Variants in PTPRA observed in about 807,000 individuals in gnomAD.
The protein encoded by PTPRA is protein tyrosine phosphatase receptor type A, also known as receptor-type tyrosine-protein phosphatase alpha.
Under a neutral mutation model 104.8 loss-of-function variants are expected in PTPRA, and 25 were observed. The observed-to-expected ratio is 0.24, with a 90% CI of 0.17 to 0.33. The LOEUF is 0.33. Ranked by LOEUF, PTPRA falls within the 10% of genes least tolerant of loss-of-function variation. The probability of loss-of-function intolerance (pLI) is 1.00; values close to 1 mark genes in which losing one functional copy is unlikely to be tolerated. For missense variants in PTPRA, 765 were observed against 1,015.3 expected (o/e 0.75, Z 3.35); for synonymous variants, 323 against 368.9 (o/e 0.88, Z 1.43).
chr20:2,956,809 C>T (rs116898604), intron 3 of PTPRA, among the ~76,000 whole-genome samples: 5 of 152,230 alleles, frequency 3.3e-5, no homozygotes, highest in Admixed American at 6.5e-5. Context: ...GTACATGGGT[C>T]ACTTTGAAAG....
intron 1 of PTPRA, among the ~76,000 whole-genome samples, chr20:2,887,016 GT>G: frequency 1.3e-5 from 2 of 152,218 alleles, no homozygotes; most frequent in Middle Eastern, 3.4e-3. Flanking sequence ...TCACAGTTTA[GT>G]AAACACAGCC....
chr20:2,961,982 A>G (rs1268481814), intron 3 of PTPRA, among the ~76,000 whole-genome samples: 3 of 152,136 alleles, frequency 2.0e-5, no homozygotes, highest in Non-Finnish European at 4.4e-5. Flanking sequence ...TGCTAATACC[A>G]CAGTCTTAAT....
intron 1 of PTPRA, among the ~76,000 whole-genome samples, chr20:2,886,757 G>A (rs1207398954): frequency 6.6e-6 from 1 of 151,212 alleles, no homozygotes; most frequent in South Asian, 2.1e-4. Flanking sequence ...TCGGGAGGCT[G>A]AGGCAGGAGA....
intron 1 of PTPRA, among the ~76,000 whole-genome samples, chr20:2,894,813 C>A (rs191807635): frequency 1.8e-4 from 27 of 151,784 alleles, no homozygotes; most frequent in Admixed American, 7.9e-4. Flanking sequence ...GGTGAAACCC[C>A]GTCTCTACTA....
intron 5 of PTPRA, among the ~76,000 whole-genome samples, chr20:2,972,540 A>G (rs2062235236): frequency 6.6e-6 from 1 of 152,108 alleles, no homozygotes; most frequent in Non-Finnish European, 1.5e-5. Context: ...GTTGCAGTCT[A>G]TTTGATATTA....
chr20:2,876,304 T>C (rs2089714642), intron 1 of PTPRA, among the ~76,000 whole-genome samples: 1 of 152,098 alleles, frequency 6.6e-6, no homozygotes, highest in African/African-American at 2.4e-5. Context: ...GAGAAAAATG[T>C]CCCTCCTACC....
intron 1 of PTPRA, among the ~76,000 whole-genome samples, chr20:2,909,764 A>C (rs553417): frequency 7.2e-6 from 1 of 139,442 alleles, no homozygotes; most frequent in African/African-American, 2.7e-5. Flanking sequence ...ATAATATATA[A>C]TATATATTAT....
At chr20:2,927,590 G>GT (rs1478572955) in intron 2 of PTPRA, among the ~76,000 whole-genome samples, 1 of 152,172 alleles carries the variant, frequency 6.6e-6, no homozygotes, top group African/African-American at 2.4e-5. Context: ...AGTGGGCACT[G>GT]TTTTTTAGGC....
intron 20 of PTPRA, among the ~76,000 whole-genome samples, chr20:3,034,374 CTG>C (rs749527369): frequency 2.3e-4 from 35 of 152,280 alleles, no homozygotes; most frequent in Non-Finnish European, 4.4e-4. Context: ...CACACACACA[CTG>C]TGGCTCACAC....
intron 3 of PTPRA, among the ~76,000 whole-genome samples, chr20:2,953,919 T>A (rs2061441810): frequency 7.2e-6 from 1 of 139,104 alleles, no homozygotes; most frequent in East Asian, 2.1e-4. Flanking sequence ...GTTTTTACTA[T>A]TTTTTTTTTT....
intron 2 of PTPRA, among the ~76,000 whole-genome samples, chr20:2,931,741 TG>T (rs1225260842): frequency 1.3e-5 from 2 of 151,990 alleles, no homozygotes; most frequent in East Asian, 1.9e-4. Flanking sequence ...TGTGTGTGTG[TG>T]TGTGTAAGAG....
chr20:2,917,607 T>A (rs528160265), intron 1 of PTPRA, among the ~76,000 whole-genome samples: 2 of 152,310 alleles, frequency 1.3e-5, no homozygotes, highest in Admixed American at 6.5e-5. Flanking sequence ...ATGTTTGCAT[T>A]TATCCAACAT....
intron 20 of PTPRA, among the ~76,000 whole-genome samples, chr20:3,032,203 C>T (rs1190063360): frequency 1.3e-5 from 2 of 152,172 alleles, no homozygotes; most frequent in Non-Finnish European, 2.9e-5. Flanking sequence ...TCTATTCTCT[C>T]TTGTTACAGT....
rs1011510325 is a variant in PTPRA at position 2,919,825 on chromosome 20, A to G, written c.-128-3382A>G. 3.3e-5 allele frequency among the ~76,000 whole-genome samples: 5 copies of G among 152,332 alleles called. No individual in the cohort carries two copies. In the East Asian group the frequency reaches 7.7e-4, roughly 23 times the overall value. On this transcript the variant is annotated intron_variant, in intron 1 of 23. Coordinates refer to ENST00000399903, the MANE Select transcript of PTPRA (RefSeq NM_001385305.1). Reference sequence around the variant, plus strand: ...ACCTGGATTGGCAAACTACAACCCAATGCCAGTTTTTGCATAGCCCACAAA... The same window carrying G: ...ACCTGGATTGGCAAACTACAACCCAGTGCCAGTTTTTGCATAGCCCACAAA...
At chr20:2,955,424 C>G (rs1381015748) in intron 3 of PTPRA, among the ~76,000 whole-genome samples, 1 of 152,204 alleles carries the variant, frequency 6.6e-6, no homozygotes, top group Non-Finnish European at 1.5e-5. Flanking sequence ...AGTTAAGAAT[C>G]TATTTCACAG....
rs377759077 is a variant in PTPRA, at chr20:3,029,507, A to G, written c.1920+1666A>G. Among the ~76,000 whole-genome samples, 14 of 138,290 alleles carry G rather than the reference A, an allele frequency of 1.0e-4. No individual in the cohort carries two copies. In the South Asian group the frequency reaches 1.2e-3, roughly 12 times the overall value. 90.7% of individuals were successfully genotyped at this position (138,290 alleles called of 152,430 possible). On this transcript the variant is annotated intron_variant, in intron 20 of 23. Coordinates refer to ENST00000399903, the MANE Select transcript of PTPRA (RefSeq NM_001385305.1). ...CTTCCTAGACTTGTATCATGTACCT[A>G]ATCAACAGACATACTTTGTAGGTCT...
chr20:3,022,170 G>T lies in PTPRA; in HGVS notation c.1278G>T (p.Lys426Asn), dbSNP rs1050033156. The change falls in exon 15 of 24, where the codon AAG becomes AAT. Residue 426 changes from lysine to asparagine, a missense_variant. Lys to Asn is a moderately conservative substitution (Grantham distance 94). Transcript: ENST00000399903. The surrounding 1 kb of genome is among the most constrained non-coding windows in gnomAD (Gnocchi z 4.6). ...TCGGCATGCTCAAGTTCCTCAAGAAGGTGAAGGCCTGTAACCCTCAGTATG... is the reference window on the plus strand; with the variant it reads ...TCGGCATGCTCAAGTTCCTCAAGAATGTGAAGGCCTGTAACCCTCAGTATG... Reference protein sequence around the residue: ...TPIGMLKFLKKVKACNPQYAG... With the variant: ...TPIGMLKFLKNVKACNPQYAG... 1.2e-6 allele frequency: 2 copies of T among 1,614,088 alleles called. No individual in the cohort carries two copies. Among genetic ancestry groups the T allele is most frequent in the African/African-American group, 2.7e-5 (2 of 74,938 alleles).
At chr20:2,888,997 T>C (rs2058699188) in intron 1 of PTPRA, among the ~76,000 whole-genome samples, 1 of 152,190 alleles carries the variant, frequency 6.6e-6, no homozygotes, top group South Asian at 2.1e-4. Flanking sequence ...CTTATCCAGT[T>C]GTACTTGGTA....
chr20:2,893,495 AGCT>A (rs1241006513), intron 1 of PTPRA, among the ~76,000 whole-genome samples: 2 of 152,260 alleles, frequency 1.3e-5, no homozygotes, highest in African/African-American at 4.8e-5. Flanking sequence ...ATTTAATCTT[AGCT>A]GTACTTAATA....
Sources: allele counts gnomAD v4.1 joint callset (sites outside exome capture counted in the v4.1 genomes callset), GRCh38; gene constraint gnomAD v4.1.1; non-coding constraint Gnocchi (gnomAD v3.1); transcripts MANE v1.5; gene names NCBI Gene and HGNC (gene_info 2026-07-23, HGNC 2026-07-21).